The following EXOC6B variants were observed in gnomAD, a reference collection of about 807,000 sequenced individuals.
EXOC6B encodes exocyst complex component 6B, also known as SEC15 homolog B.
EXOC6B carries 54 observed loss-of-function variants against 113.5 expected under a neutral mutation model. That is an observed-to-expected ratio of 0.48 (90% CI 0.38 to 0.60). The LOEUF (loss-of-function observed/expected upper bound fraction) is 0.60, where lower values mean the gene tolerates loss of function less well. Ranked by LOEUF, EXOC6B falls within the 20% of genes least tolerant of loss-of-function variation. EXOC6B has a pLI of 0.00. For missense variants in EXOC6B, 797 were observed against 977.5 expected (o/e 0.82, Z 2.46); for synonymous variants, 357 against 339.0 (o/e 1.05, Z -0.58).
chr2:72,215,760 T>A (rs371896104), intron 20 of EXOC6B, among the ~76,000 whole-genome samples: 1 of 152,042 alleles, frequency 6.6e-6, no homozygotes, highest in Non-Finnish European at 1.5e-5. Flanking sequence ...TCATTGTTCA[T>A]AAGAGATTGG....
intron 18 of EXOC6B, among the ~76,000 whole-genome samples, chr2:72,413,681 CAAAAAAGAAAAAAA>C (rs150924288): frequency 0.16 from 20,541 of 124,964 alleles, 1,741 homozygotes; most frequent in African/African-American, 0.36. Context: ...GACTCCGCCT[CAAAAAAGAAAAAAA>C]AAAAAAGAAA....
chr2:72,513,635 C>T (rs975425691), intron 10 of EXOC6B, among the ~76,000 whole-genome samples: 1 of 151,572 alleles, frequency 6.6e-6, no homozygotes, highest in Non-Finnish European at 1.5e-5. Context: ...ATCATAAAAG[C>T]TAATATATAC....
intron 6 of EXOC6B, among the ~76,000 whole-genome samples, chr2:72,671,697 A>C (rs1675819944): frequency 6.6e-6 from 1 of 151,282 alleles, no homozygotes; most frequent in Non-Finnish European, 1.5e-5. Context: ...AAACTCCGTC[A>C]AAAAAGAAAA....
chr2:72,206,112 A>G (rs902878319), intron 20 of EXOC6B, among the ~76,000 whole-genome samples: 3 of 152,230 alleles, frequency 2.0e-5, no homozygotes, highest in African/African-American at 7.2e-5. Context: ...TTATTGGTAC[A>G]GTCTCAATTA....
chr2:72,782,317 C>A (rs1180782474), intron 1 of EXOC6B, among the ~76,000 whole-genome samples: 2 of 152,078 alleles, frequency 1.3e-5, no homozygotes, highest in African/African-American at 2.4e-5. Context: ...GTTCAAATAT[C>A]ACCATCTCCA....
At chr2:72,689,000 A>C (rs1677294863) in intron 6 of EXOC6B, among the ~76,000 whole-genome samples, 1 of 152,236 alleles carries the variant, frequency 6.6e-6, no homozygotes, top group Non-Finnish European at 1.5e-5. Context: ...AAAGTGATGC[A>C]TTAGGTCCAA....
chr2:72,275,024 G>C (rs1224099691), intron 20 of EXOC6B, among the ~76,000 whole-genome samples: 1 of 152,110 alleles, frequency 6.6e-6, no homozygotes, highest in Non-Finnish European at 1.5e-5. Flanking sequence ...TTTTTTGCCA[G>C]TCTAAAGCAG....
At chr2:72,600,648 C>A (rs1670370002) in intron 6 of EXOC6B, among the ~76,000 whole-genome samples, 1 of 151,960 alleles carries the variant, frequency 6.6e-6, no homozygotes, top group African/African-American at 2.4e-5. Context: ...AGCCGGAAAG[C>A]CTCATGCAAT....
chr2:72,734,111 A>C (rs1181717402), intron 2 of EXOC6B, among the ~76,000 whole-genome samples: 2 of 152,200 alleles, frequency 1.3e-5, no homozygotes, highest in Non-Finnish European at 2.9e-5. Flanking sequence ...TATCTAACGT[A>C]ATACCCTTTA....
intron 18 of EXOC6B, among the ~76,000 whole-genome samples, chr2:72,420,953 A>C (rs562211203): frequency 1.4e-4 from 21 of 152,244 alleles, no homozygotes; most frequent in Non-Finnish European, 2.6e-4. Context: ...ATGGTATCTC[A>C]TTGTGGTTTT....
Position 72,379,766 on chromosome 2 carries a change from T to A in EXOC6B, c.2085A>T (p.Ala695=), listed in dbSNP as rs761330778. 2.5e-6 allele frequency: 4 copies of A among 1,613,370 alleles called. No homozygotes were observed. Among genetic ancestry groups the A allele is most frequent in the Non-Finnish European group, 2.5e-6 (3 of 1,179,628 alleles). ...EAEVRQLTLG[A]LQQFNLDVRE... ...TGACGTCCAAGTTGAACTGCTGTAATGCTCCCAAGGTGAGCTGCCGCACTT... is the reference window on the plus strand; with the variant it reads ...TGACGTCCAAGTTGAACTGCTGTAAAGCTCCCAAGGTGAGCTGCCGCACTT... The change falls in exon 19 of 22, where the codon GCA becomes GCT. Residue 695 remains alanine (A), a synonymous_variant. Transcript: ENST00000272427.
At chr2:72,514,599 T>G in intron 10 of EXOC6B, 35 bp downstream of exon 10, 1 of 202,388 alleles carries the variant, frequency 4.9e-6, no homozygotes, top group Non-Finnish European at 9.2e-6. Context: ...AATAAATAAA[T>G]AAATAAATAT....
chr2:72,265,851 C>T (rs1684044258), intron 20 of EXOC6B, among the ~76,000 whole-genome samples: 1 of 152,194 alleles, frequency 6.6e-6, no homozygotes, highest in African/African-American at 2.4e-5. Context: ...AATGGTTGAA[C>T]CGGTTTACAG....
In EXOC6B at chr2:72,518,097, T is replaced by G. The variant is rs150133738; in HGVS notation, c.916-2971A>C. Among the ~76,000 whole-genome samples the G allele has an allele frequency of 1.1e-4, 16 of 152,272 alleles. No homozygotes were observed. In the East Asian group the frequency reaches 3.1e-3, roughly 29 times the overall value. ...GACGTAGATGTTTGACCAGTCCAGT[T>G]GAGTAATTGGTGCAGTGCCTGTCTA... On this transcript the variant is annotated intron_variant, in intron 8 of 21. Coordinates refer to ENST00000272427, the MANE Select transcript of EXOC6B (RefSeq NM_015189.3).
chr2:72,603,352 C>A (rs1302688349), intron 6 of EXOC6B, among the ~76,000 whole-genome samples: 1 of 152,092 alleles, frequency 6.6e-6, no homozygotes, highest in African/African-American at 2.4e-5. Context: ...TCTTTACCCT[C>A]CCTTCCCCTC....
intron 20 of EXOC6B, among the ~76,000 whole-genome samples, chr2:72,285,726 G>T (rs929759392): frequency 2.6e-5 from 4 of 152,014 alleles, no homozygotes; most frequent in African/African-American, 9.7e-5. Flanking sequence ...GAAAATATTT[G>T]CAAAAGACAC....
At chr2:72,320,265 G>A (rs1687775163) in intron 20 of EXOC6B, among the ~76,000 whole-genome samples, 1 of 150,484 alleles carries the variant, frequency 6.6e-6, no homozygotes, top group East Asian at 1.9e-4. Flanking sequence ...ACACATATAT[G>A]GCTTAGAATA....
intron 18 of EXOC6B, among the ~76,000 whole-genome samples, chr2:72,451,988 A>G (rs1277034333): frequency 1.3e-5 from 2 of 152,170 alleles, no homozygotes; most frequent in Admixed American, 1.3e-4. Flanking sequence ...CACAACATGT[A>G]CAATATATAT....
chr2:72,411,788 A>G lies in EXOC6B; in HGVS notation c.1981-31918T>C, dbSNP rs1694204480. On this transcript the variant is annotated intron_variant, in intron 18 of 21. Transcript: ENST00000272427. ...AACATGAGTTTCCACAGTAAAGGTG[A>G]TTCCCGCAAAAATGAGTTCATAATC... Among the ~76,000 whole-genome samples, 3 of 152,204 alleles carry G rather than the reference A, an allele frequency of 2.0e-5. No homozygotes were observed. In the East Asian group the frequency reaches 5.8e-4, roughly 29 times the overall value.
Sources: gnomAD v4.1 joint callset for allele counts (sites outside exome capture counted in the v4.1 genomes callset) on GRCh38, gnomAD v4.1.1 for gene constraint, MANE v1.5 for transcripts, NCBI Gene and HGNC (gene_info 2026-07-23, HGNC 2026-07-21) for gene names.